The following RAPGEF4 variants were observed in gnomAD, a reference collection of about 807,000 sequenced individuals.
RAPGEF4 encodes the protein RAP guanine-nucleotide-exchange factor (GEF) 4.
A neutral mutation model predicts 147.9 loss-of-function variants in RAPGEF4; 66 were observed. That is an observed-to-expected ratio of 0.45 (90% CI 0.37 to 0.55). RAPGEF4 has a LOEUF of 0.55. Among genes scored for constraint, RAPGEF4 ranks in the 20% least tolerant of loss-of-function variants. The pLI, the probability that RAPGEF4 is intolerant of heterozygous loss-of-function variation, is 0.00. For missense variants in RAPGEF4, 1,071 were observed against 1,257.3 expected (o/e 0.85, Z 2.24); for synonymous variants, 419 against 442.7 (o/e 0.95, Z 0.67).
At chr2:172,935,109 A>G (rs1179113320) in intron 6 of RAPGEF4, among the ~76,000 whole-genome samples, 1 of 152,202 alleles carries the variant, frequency 6.6e-6, no homozygotes, top group Non-Finnish European at 1.5e-5. Context: ...CCTGAAGGGC[A>G]GAGGCTGCAG....
intron 1 of RAPGEF4, among the ~76,000 whole-genome samples, chr2:172,773,907 A>T (rs1683898206): frequency 6.6e-6 from 1 of 152,162 alleles, no homozygotes; most frequent in South Asian, 2.1e-4. Flanking sequence ...TATCTAGGAG[A>T]GGATCTGCAG....
intron 10 of RAPGEF4, among the ~76,000 whole-genome samples, chr2:172,981,885 C>G (rs141206836): frequency 1.3e-5 from 2 of 152,352 alleles, no homozygotes; most frequent in East Asian, 3.9e-4. Flanking sequence ...CAGATGTACT[C>G]TAGCAGACCA....
chr2:172,921,730 G>A (rs114138263), intron 5 of RAPGEF4, among the ~76,000 whole-genome samples: 202 of 152,268 alleles, frequency 1.3e-3, no homozygotes, highest in African/African-American at 4.7e-3. Flanking sequence ...CTTCTAGCTC[G>A]GAACACTGAG....
chr2:172,800,000 T>C (rs1686810292), intron 3 of RAPGEF4, among the ~76,000 whole-genome samples: 1 of 152,210 alleles, frequency 6.6e-6, no homozygotes, highest in South Asian at 2.1e-4. Flanking sequence ...AGCAGGGTTA[T>C]TAGCTACAGA....
At chr2:172,794,690 G>A (rs1164006684) in intron 1 of RAPGEF4, among the ~76,000 whole-genome samples, 1 of 152,072 alleles carries the variant, frequency 6.6e-6, no homozygotes, top group South Asian at 2.1e-4. Flanking sequence ...TTGTGTTTGT[G>A]ACTTCATTTT....
chr2:172,876,018 G>T (rs1695874807), intron 4 of RAPGEF4, among the ~76,000 whole-genome samples: 1 of 152,112 alleles, frequency 6.6e-6, no homozygotes, highest in Non-Finnish European at 1.5e-5. Flanking sequence ...TTGTGAATGG[G>T]AGTTCACTCA....
chr2:172,988,854 A>G lies in RAPGEF4; in HGVS notation c.1374+15A>G. 1 of 1,611,632 alleles carries G rather than the reference A, an allele frequency of 6.2e-7. No individual in the cohort carries two copies. Among genetic ancestry groups the G allele is most frequent in the Non-Finnish European group, 8.5e-7 (1 of 1,179,096 alleles). ...GGATCCTAAGGGTGAGTCCAAAGCAAAGTGTGGCTGAGAGACAGCCCATTT... is the reference window on the plus strand; with the variant it reads ...GGATCCTAAGGGTGAGTCCAAAGCAGAGTGTGGCTGAGAGACAGCCCATTT... On this transcript the variant is annotated intron_variant, in intron 14 of 30. Transcript: ENST00000397081.
intron 1 of RAPGEF4, among the ~76,000 whole-genome samples, chr2:172,749,211 G>A (rs1180895267): frequency 6.6e-6 from 1 of 152,246 alleles, no homozygotes; most frequent in African/African-American, 2.4e-5. Context: ...TGACCCAGTA[G>A]CGACTCTGAG....
chr2:172,760,885 T>C (rs1376328115), intron 1 of RAPGEF4, among the ~76,000 whole-genome samples: 1 of 152,102 alleles, frequency 6.6e-6, no homozygotes, highest in Admixed American at 6.6e-5. Flanking sequence ...TTCATTATCT[T>C]TGGAATCCTA....
At chr2:172,774,567 A>AT (rs1291901870) in intron 1 of RAPGEF4, among the ~76,000 whole-genome samples, 4 of 152,250 alleles carry the variant, frequency 2.6e-5, no homozygotes, top group African/African-American at 9.6e-5. Flanking sequence ...CCTAGTTAAA[A>AT]TATCAGCTAA....
intron 2 of RAPGEF4, among the ~76,000 whole-genome samples, chr2:172,796,761 G>A (rs182068030): frequency 7.9e-5 from 12 of 152,272 alleles, no homozygotes; most frequent in East Asian, 3.9e-4. Flanking sequence ...CCCACGAGCC[G>A]TCATGTGATT....
chr2:173,008,401 A>G (rs967122346), intron 17 of RAPGEF4, among the ~76,000 whole-genome samples: 4 of 152,202 alleles, frequency 2.6e-5, no homozygotes, highest in African/African-American at 9.7e-5. Context: ...TTAAAGTCCC[A>G]TATATATGTT....
At chr2:173,018,552 CA>C in intron 21 of RAPGEF4, 103 bp from the exon 22 acceptor site, 1 of 1,303,590 alleles carries the variant, frequency 7.7e-7, no homozygotes, top group South Asian at 1.4e-5. Flanking sequence ...ACAAAAATGG[CA>C]AAATGATGCA....
chr2:172,996,880 C>G (rs950566319), intron 16 of RAPGEF4, among the ~76,000 whole-genome samples: 1 of 152,168 alleles, frequency 6.6e-6, no homozygotes, highest in African/African-American at 2.4e-5. Flanking sequence ...CCTACCTATT[C>G]CCACGAAGGA....
At chr2:172,771,218 T>A (rs1683542250) in intron 1 of RAPGEF4, among the ~76,000 whole-genome samples, 1 of 152,136 alleles carries the variant, frequency 6.6e-6, no homozygotes, top group African/African-American at 2.4e-5. Flanking sequence ...GGGCCTGGTC[T>A]CTGATTCATA....
At chr2:172,885,405 C>G (rs1434658528) in intron 4 of RAPGEF4, among the ~76,000 whole-genome samples, 1 of 152,212 alleles carries the variant, frequency 6.6e-6, no homozygotes, top group Non-Finnish European at 1.5e-5. Context: ...GAATTGTTCC[C>G]TGAACTACTG....
chr2:173,010,378 A>G (rs1694889075), intron 17 of RAPGEF4, among the ~76,000 whole-genome samples: 1 of 152,218 alleles, frequency 6.6e-6, no homozygotes, highest in South Asian at 2.1e-4. Flanking sequence ...TCAGGCAGCC[A>G]TATTGCTTCT....
chr2:173,017,037 T>C (rs1458942600), intron 19 of RAPGEF4, 137 bp from the exon 20 acceptor site: 1 of 792,870 alleles, frequency 1.3e-6, no homozygotes, highest in Non-Finnish European at 2.1e-6. Context: ...ACTATTAAAA[T>C]GAGGAAGCTC....
chr2:172,902,728 A>G (rs996450881), intron 4 of RAPGEF4, among the ~76,000 whole-genome samples: 2 of 152,222 alleles, frequency 1.3e-5, no homozygotes, highest in African/African-American at 4.8e-5. Flanking sequence ...GATATAAAGT[A>G]TGGGCCTGGG....
Sources: allele counts gnomAD v4.1 joint callset (sites outside exome capture counted in the v4.1 genomes callset), GRCh38; gene constraint gnomAD v4.1.1; transcripts MANE v1.5; gene names NCBI Gene and HGNC (gene_info 2026-07-23, HGNC 2026-07-21).